The following FOXP1 variants were observed in gnomAD, a reference collection of about 807,000 sequenced individuals.
The protein encoded by FOXP1 is forkhead box protein P1.
In FOXP1, 15 loss-of-function variants were observed where a neutral mutation model predicts 98.2. The observed-to-expected ratio is 0.15, with a 90% CI of 0.10 to 0.24. The LOEUF is 0.24. FOXP1 is among the 10% of genes least tolerant of loss of function. The pLI is 1.00. For synonymous variants in FOXP1, 371 were observed against 314.5 expected (o/e 1.18, Z -1.90); for missense variants, 633 against 848.5 (o/e 0.75, Z 3.15).
chr3:71,297,088 T>C (rs1293492113), intron 5 of FOXP1, among the ~76,000 whole-genome samples: 3 of 152,052 alleles, frequency 2.0e-5, no homozygotes, highest in African/African-American at 7.2e-5. Context: ...ACGAAGACAA[T>C]GTATATAGAA....
intron 12 of FOXP1, 133 bp downstream of exon 12, chr3:71,015,416 C>A: frequency 1.5e-6 from 1 of 653,244 alleles, no homozygotes; most frequent in Non-Finnish European, 2.9e-6. Flanking sequence ...GTGCACTAGA[C>A]CTTGTGATTT....
At chr3:71,081,393 T>G (rs114845699) in intron 7 of FOXP1, among the ~76,000 whole-genome samples, 1 of 152,278 alleles carries the variant, frequency 6.6e-6, no homozygotes, top group African/African-American at 2.4e-5. Flanking sequence ...GCGATCATCT[T>G]AATCCCACCC....
intron 14 of FOXP1, among the ~76,000 whole-genome samples, chr3:70,982,215 G>A (rs970277771): frequency 7.2e-5 from 11 of 152,222 alleles, no homozygotes; most frequent in African/African-American, 2.7e-4. Context: ...AGCAAATGGG[G>A]AATGGTGTGT....
intron 7 of FOXP1, among the ~76,000 whole-genome samples, chr3:71,111,214 C>T (rs925322868): frequency 2.0e-5 from 3 of 152,124 alleles, no homozygotes; most frequent in African/African-American, 4.8e-5. Context: ...TATCAGCTAC[C>T]GCTTATAGAT....
At position 71,139,492 on chromosome 3, in the gene FOXP1, T is replaced by TAA. The variant is rs913590340; in HGVS notation, c.181-26857_181-26856dup. Among the ~76,000 whole-genome samples, 228 of 142,934 alleles carry TAA rather than the reference T, an allele frequency of 1.6e-3. 1 individual carries two copies. Among genetic ancestry groups the TAA allele is most frequent in the African/African-American group, 5.5e-3 (214 of 39,106 alleles). The allele number at this position is 142,934 out of a possible 152,430, so 93.8% of individuals were successfully genotyped here. A position where few individuals can be genotyped will look rare whatever the true frequency, so the allele number is the denominator to read the frequency against. On this transcript the variant is annotated intron_variant, in intron 6 of 20. Coordinates refer to ENST00000649528, the MANE Select transcript of FOXP1 (RefSeq NM_001349338.3). ...GAACATTCATTGAATGTAGAGTGAT[T>TAA]AAAAAAAAAAAAAGAAACGTTAATT... is the stretch of plus-strand genomic sequence containing the variant.
At chr3:71,169,678 G>C (rs1199403839) in intron 6 of FOXP1, among the ~76,000 whole-genome samples, 1 of 142,990 alleles carries the variant, frequency 7.0e-6, no homozygotes, top group Non-Finnish European at 1.5e-5. Flanking sequence ...TTTTGTGCCT[G>C]AGAAAATATA....
intron 13 of FOXP1, among the ~76,000 whole-genome samples, chr3:70,992,318 G>A (rs1012598597): frequency 7.2e-5 from 11 of 152,136 alleles, no homozygotes; most frequent in African/African-American, 2.4e-4. Context: ...AGATTAACCC[G>A]ATGTGGCCCA....
At chr3:71,519,341 C>T (rs906974713) in intron 2 of FOXP1, among the ~76,000 whole-genome samples, 7 of 152,178 alleles carry the variant, frequency 4.6e-5, no homozygotes, top group East Asian at 1.9e-4. Context: ...GGTAAAACTG[C>T]GGAGACTTTA....
At chr3:71,041,217 A>G in intron 11 of FOXP1, 111 bp downstream of exon 11, 1 of 856,768 alleles carries the variant, frequency 1.2e-6, no homozygotes, top group Non-Finnish European at 2.0e-6. Context: ...TTATATGCAC[A>G]TTCAAGTCAC....
At chr3:71,370,997 G>C (rs910260149) in intron 3 of FOXP1, among the ~76,000 whole-genome samples, 1 of 151,724 alleles carries the variant, frequency 6.6e-6, no homozygotes, top group Admixed American at 6.6e-5. Flanking sequence ...GGCTGGTCTC[G>C]AACTCCTGAC....
At chr3:71,323,143 G>A (rs973124863) in intron 4 of FOXP1, among the ~76,000 whole-genome samples, 5 of 152,078 alleles carry the variant, frequency 3.3e-5, no homozygotes, top group East Asian at 1.9e-4. Context: ...GCTAATTTTT[G>A]TATTTTTAGT....
intron 7 of FOXP1, among the ~76,000 whole-genome samples, chr3:71,058,169 GAGAAGACACAATA>G (rs2050941667): frequency 6.6e-6 from 1 of 152,062 alleles, no homozygotes; most frequent in Non-Finnish European, 1.5e-5. Context: ...GGTGGGAGGG[GAGAAGACACAATA>G]TAAATACTGA....
In FOXP1 at chr3:71,553,038, T is replaced by C. The variant is rs138901399; in HGVS notation, c.-298+28511A>G. Reference sequence around the variant, plus strand: ...CAGTATCCTTCAAAGTTGTATTTTATAGTTAATAAATACAATTTATTTAAT... The same window carrying C: ...CAGTATCCTTCAAAGTTGTATTTTACAGTTAATAAATACAATTTATTTAAT... On this transcript the variant is annotated intron_variant, in intron 2 of 20. Transcript: ENST00000649528. 5.9e-5 allele frequency among the ~76,000 whole-genome samples: 9 copies of C among 152,218 alleles called. No individual in the cohort carries two copies. In the East Asian group the frequency reaches 1.7e-3, roughly 29 times the overall value.
chr3:71,129,439 T>C (rs912663879), intron 6 of FOXP1, among the ~76,000 whole-genome samples: 4 of 152,226 alleles, frequency 2.6e-5, no homozygotes, highest in Non-Finnish European at 4.4e-5. Flanking sequence ...TATTTCTTTC[T>C]CTATTCTAAT....
In FOXP1 at chr3:71,408,460, C is replaced by T. The variant is rs78292781; in HGVS notation, c.-167-49216G>A. Among the ~76,000 whole-genome samples the T allele has an allele frequency of 5.6e-3, 851 of 152,264 alleles. 11 individuals are homozygous for T. The highest frequency in any genetic ancestry group is 0.019 in the African/African-American group (804 of 41,526). On this transcript the variant is annotated intron_variant, in intron 3 of 20. Transcript: ENST00000649528. The stretch of plus-strand genomic sequence containing the variant: ...CACATTCACGAGGTTTTTAAATATA[C>T]ATTGTGCCATGAATGTCCAGCAGGA...
chr3:71,315,936 T>C (rs1309523453), intron 4 of FOXP1, among the ~76,000 whole-genome samples: 2 of 152,230 alleles, frequency 1.3e-5, no homozygotes, highest in Non-Finnish European at 2.9e-5. Flanking sequence ...CTCTTAGTTT[T>C]GTTCATAGGA....
chr3:71,502,953 T>G (rs2041507549), intron 2 of FOXP1, among the ~76,000 whole-genome samples: 1 of 144,416 alleles, frequency 6.9e-6, no homozygotes, highest in Non-Finnish European at 1.5e-5. Context: ...CTGTTTTCTG[T>G]GATGATTTTT....
intron 2 of FOXP1, among the ~76,000 whole-genome samples, chr3:71,545,948 T>A (rs1387739519): frequency 1.3e-5 from 2 of 152,214 alleles, no homozygotes; most frequent in African/African-American, 4.8e-5. Flanking sequence ...AAATGTTGCA[T>A]ATATCCTGGC....
intron 4 of FOXP1, among the ~76,000 whole-genome samples, chr3:71,330,427 T>C (rs990051881): frequency 6.6e-6 from 1 of 152,216 alleles, no homozygotes; most frequent in Non-Finnish European, 1.5e-5. Context: ...TTTGAGAAGA[T>C]GACAGTCCAC....
Sources: allele counts gnomAD v4.1 joint callset (sites outside exome capture counted in the v4.1 genomes callset), GRCh38; gene constraint gnomAD v4.1.1; transcripts MANE v1.5; gene names NCBI Gene and HGNC (gene_info 2026-07-23, HGNC 2026-07-21).